PCM1: variants seen among roughly 807,000 people sequenced by gnomAD.
PCM1 encodes pericentriolar material 1, also known as pericentriolar material 1 protein.
A neutral mutation model predicts 241.9 loss-of-function variants in PCM1; 157 were observed. That is an observed-to-expected ratio of 0.65 (90% CI 0.57 to 0.74). The LOEUF is 0.74. PCM1 is among the 30% of genes least tolerant of loss of function. PCM1 has a pLI of 0.00. For synonymous variants in PCM1, 1,085 were observed against 784.9 expected (o/e 1.38, Z -6.39); for missense variants, 3,478 against 2,360.1 (o/e 1.47, Z -9.81).
At chr8:17,931,411 C>G (rs1025062619) in intron 2 of PCM1, among the ~76,000 whole-genome samples, 2 of 152,044 alleles carry the variant, frequency 1.3e-5, no homozygotes, top group African/African-American at 4.8e-5. Flanking sequence ...GCTTCAGCCT[C>G]CTGAGTAACT....
At position 18,011,779 on chromosome 8, in the gene PCM1, C is replaced by G. The variant is rs761923209; in HGVS notation, c.5463C>G (p.Ser1821=). ...FEEGPVDVQT[S]LQANTEATEE... The stretch of plus-strand genomic sequence containing the variant: ...AAGGCCCTGTGGATGTCCAGACTTC[C>G]CTCCAGGCTAACACTGAAGCTACTG... The change falls in exon 34 of 39, where the codon TCC becomes TCG. Residue 1821 remains serine (S), a synonymous_variant. Coordinates refer to ENST00000325083, the MANE Select transcript of PCM1 (RefSeq NM_006197.4). 2.5e-6 allele frequency: 4 copies of G among 1,613,578 alleles called. No homozygotes were observed. The African/African-American group carries it at 4.0e-5, about 16-fold the overall frequency.
At chr8:17,957,134 A>C in intron 11 of PCM1, 130 bp from the exon 12 acceptor site, 1 of 678,770 alleles carries the variant, frequency 1.5e-6, no homozygotes, top group Non-Finnish European at 2.4e-6. Context: ...TCGATTATTC[A>C]ATTTGAATTT....
At chr8:17,947,005 A>G (rs1000616451) in intron 6 of PCM1, among the ~76,000 whole-genome samples, 181 bp from the exon 7 acceptor site, 1 of 151,948 alleles carries the variant, frequency 6.6e-6, no homozygotes, top group Non-Finnish European at 1.5e-5. Context: ...GTGGCAGGCT[A>G]TATATATATC....
At chr8:17,941,257 G>A (rs1235753827) in intron 6 of PCM1, among the ~76,000 whole-genome samples, 1 of 152,140 alleles carries the variant, frequency 6.6e-6, no homozygotes, top group East Asian at 1.9e-4. Context: ...ATTCTGTTGG[G>A]GAGGAGTGGG....
At chr8:17,928,620 T>C (rs1209166214) in intron 2 of PCM1, among the ~76,000 whole-genome samples, 1 of 24,996 alleles carries the variant, frequency 4.0e-5, no homozygotes, top group Non-Finnish European at 1.1e-4. Context: ...CTCCCTCTTT[T>C]TTTTTTTTTT....
chr8:17,980,766 T>C lies in PCM1; in HGVS notation c.4108+11T>C, dbSNP rs761132190. ...CAGAAATATCTTCAGGTATGTTCTT[T>C]TTTGGTTTGCATTAATATAAGGAGG... On this transcript the variant is annotated intron_variant, in intron 24 of 38. Coordinates refer to ENST00000325083, the MANE Select transcript of PCM1 (RefSeq NM_006197.4). The C allele has an allele frequency of 1.9e-6, 3 of 1,592,062 alleles. No homozygotes were observed. Among genetic ancestry groups the C allele is most frequent in the East Asian group, 2.2e-5 (1 of 44,720 alleles).
Position 17,967,098 on chromosome 8 carries a change from T to C in PCM1, c.3340T>C (p.Phe1114Leu). ...HPPSPSLFCP[F>L]SFPTQPVNLF... ...TCCTTCTCCCAGTTTATTTTGTCCT[T>C]TCAGCTTTCCAACACAGCCTGTAAA... is the stretch of plus-strand genomic sequence containing the variant. Residue 1114 changes from phenylalanine to leucine, a missense_variant, in exon 21 of 39, where the codon TTC (phenylalanine) becomes CTC (leucine). Physicochemically the swap from Phe to Leu is conservative, Grantham distance 22. Transcript: ENST00000325083. 1.2e-6 allele frequency: 2 copies of C among 1,608,050 alleles called. No homozygotes were observed. Among genetic ancestry groups the C allele is most frequent in the Admixed American group, 1.7e-5 (1 of 59,156 alleles).
Position 17,938,742 on chromosome 8 carries a change from A to C in PCM1, c.345A>C (p.Arg115Ser). The change falls in exon 5 of 39, where the codon AGA becomes AGC. Residue 115 changes from arginine (R) to serine (S), a missense_variant and splice_region_variant. Arg to Ser is a moderately radical substitution (Grantham distance 110, BLOSUM62 -1). Transcript: ENST00000325083. ...QRINFSDLDQ[R>S]SIGSDSQGRA... is the part of the protein sequence containing the mutation. The stretch of plus-strand genomic sequence containing the variant: ...TTTGATTTCTTTTTCATATATAGAG[A>C]AGCATTGGAAGTGATTCCCAAGGTA... 1 of 1,606,898 alleles carries C rather than the reference A, an allele frequency of 6.2e-7. No individual in the cohort carries two copies. Among genetic ancestry groups the C allele is most frequent in the Non-Finnish European group, 8.5e-7 (1 of 1,173,796 alleles).
At chr8:17,944,739 G>C (rs1299806917) in intron 6 of PCM1, among the ~76,000 whole-genome samples, 1 of 152,024 alleles carries the variant, frequency 6.6e-6, no homozygotes, top group Non-Finnish European at 1.5e-5. Flanking sequence ...ATCATAGGCT[G>C]TACTCCCATC....
chr8:17,975,911 C>T (rs189056215), intron 23 of PCM1, among the ~76,000 whole-genome samples: 23 of 152,132 alleles, frequency 1.5e-4, no homozygotes, highest in East Asian at 5.8e-4. Flanking sequence ...AGGTGATTTC[C>T]TGCCTTACTG....
chr8:17,953,325 G>GTAGAA, intron 9 of PCM1, 139 bp downstream of exon 9: 1 of 453,334 alleles, frequency 2.2e-6, no homozygotes. Flanking sequence ...CATATGAAAA[G>GTAGAA]TTTCTAAGTT....
intron 23 of PCM1, 83 bp from the exon 24 acceptor site, chr8:17,980,508 G>A: frequency 9.1e-7 from 1 of 1,098,228 alleles, no homozygotes; most frequent in South Asian, 1.7e-5. Flanking sequence ...TGAGTTACCT[G>A]TACTGTTACA....
chr8:17,954,751 A>T (rs1256980767), intron 9 of PCM1, among the ~76,000 whole-genome samples: 1 of 152,240 alleles, frequency 6.6e-6, no homozygotes, highest in Non-Finnish European at 1.5e-5. Flanking sequence ...AAAGATTCTT[A>T]ATCTTTAATT....
chr8:17,937,893 T>A (rs181714387), intron 4 of PCM1, among the ~76,000 whole-genome samples: 28 of 152,296 alleles, frequency 1.8e-4, no homozygotes, highest in Admixed American at 1.8e-3. Context: ...TCCAAAAATG[T>A]AGAAAGGTAG....
intron 36 of PCM1, among the ~76,000 whole-genome samples, chr8:18,015,496 T>A (rs1191947580): frequency 6.6e-6 from 1 of 152,018 alleles, no homozygotes; most frequent in East Asian, 1.9e-4. Context: ...GATATGTGAC[T>A]AGGGACTTTC....
intron 3 of PCM1, 150 bp downstream of exon 3, chr8:17,935,856 A>C (rs752945574): frequency 8.9e-5 from 42 of 473,496 alleles, no homozygotes; most frequent in Non-Finnish European, 1.4e-4. Flanking sequence ...ATATTAATTG[A>C]AGACACAAAT....
chr8:18,014,514 TTATTAG>T, intron 35 of PCM1, 64 bp from the exon 36 acceptor site: 1 of 1,263,110 alleles, frequency 7.9e-7, no homozygotes, highest in East Asian at 2.4e-5. Context: ...CGTATTGTCT[TTATTAG>T]TATAATAGTA....
At chr8:17,924,599 C>G (rs1016338649) in intron 1 of PCM1, 114 bp from the exon 2 acceptor site, 14 of 152,076 alleles carry the variant, frequency 9.2e-5, no homozygotes, top group Admixed American at 2.6e-4. Flanking sequence ...TATATTTTTC[C>G]CCTTCTTTTG....
rs957290488 is a variant in PCM1, at chr8:17,985,580, C to T, written c.4242C>T (p.Asn1414=). 2.5e-6 allele frequency: 4 copies of T among 1,607,784 alleles called. No homozygotes were observed. The highest frequency in any genetic ancestry group is 3.4e-6 in the Non-Finnish European group (4 of 1,176,590). Residue 1414 remains asparagine, a synonymous_variant, in exon 25 of 39, where the codon AAC becomes AAT. Transcript: ENST00000325083. ...IELFHELQLL[N]TDYLRQRALY... is the part of the protein sequence containing the mutation. ...TCTTCCATGAGCTGCAGCTACTAAACACAGACTACTTGAGACAGAGGGCTT... is the reference window on the plus strand; with the variant it reads ...TCTTCCATGAGCTGCAGCTACTAAATACAGACTACTTGAGACAGAGGGCTT...
Sources: allele counts gnomAD v4.1 joint callset (sites outside exome capture counted in the v4.1 genomes callset), GRCh38; gene constraint gnomAD v4.1.1; transcripts MANE v1.5; gene names NCBI Gene and HGNC (gene_info 2026-07-23, HGNC 2026-07-21).